PCLO: variants seen among roughly 807,000 people sequenced by gnomAD.
The protein encoded by PCLO is piccolo presynaptic cytomatrix protein.
Under a neutral mutation model 427.5 loss-of-function variants are expected in PCLO, and 82 were observed. The observed-to-expected ratio is 0.19, with a 90% CI of 0.16 to 0.23. The LOEUF (loss-of-function observed/expected upper bound fraction) is 0.23. Ranked by LOEUF, PCLO falls within the 10% of genes least tolerant of loss-of-function variation. The pLI, the probability that PCLO is intolerant of heterozygous loss-of-function variation, is 1.00. For synonymous variants in PCLO, 2,357 were observed against 2,155.4 expected (o/e 1.09, Z -2.59); for missense variants, 6,239 against 6,115.9 (o/e 1.02, Z -0.67).
chr7:83,076,968 T>A (rs760252318), intron 3 of PCLO, among the ~76,000 whole-genome samples: 1 of 141,050 alleles, frequency 7.1e-6, no homozygotes, highest in Non-Finnish European at 1.5e-5. Flanking sequence ...TAGAGCATAA[T>A]AGCCTGCTTT....
intron 3 of PCLO, among the ~76,000 whole-genome samples, chr7:83,091,967 T>C (rs1001881850): frequency 6.6e-6 from 1 of 152,186 alleles, no homozygotes. Context: ...GTATGGAAGT[T>C]TCACTTCCAA....
At chr7:83,161,104 G>T (rs756244969) in intron 1 of PCLO, among the ~76,000 whole-genome samples, 3 of 152,166 alleles carry the variant, frequency 2.0e-5, no homozygotes, top group Non-Finnish European at 4.4e-5. Context: ...AAGATAAACA[G>T]ACTTTTTACC....
intron 10 of PCLO, among the ~76,000 whole-genome samples, chr7:82,874,428 C>T (rs959727704): frequency 4.6e-5 from 7 of 152,114 alleles, no homozygotes; most frequent in African/African-American, 1.7e-4. Flanking sequence ...GGGCCTGAAT[C>T]TGGTCTGTAT....
chr7:82,880,775 A>G (rs1289366467), intron 9 of PCLO, among the ~76,000 whole-genome samples: 6 of 152,216 alleles, frequency 3.9e-5, no homozygotes, highest in Non-Finnish European at 1.5e-5. Flanking sequence ...ATGCATGTTA[A>G]TTATTTTAAA....
At position 82,952,486 on chromosome 7, in the gene PCLO, G is replaced by T. The variant is rs1212255668; in HGVS notation, c.8467C>A (p.Pro2823Thr). 3 of 1,613,876 alleles carry T rather than the reference G, an allele frequency of 1.9e-6. No homozygotes were observed. The highest frequency in any genetic ancestry group is 2.2e-5 in the South Asian group (2 of 91,088). The change falls in exon 5 of 25, where the codon CCA becomes ACA. Residue 2823 changes from proline to threonine, a missense_variant. By Grantham distance (38) the Pro-to-Thr change is conservative (BLOSUM62 -1). Transcript: ENST00000333891. ...TGCTTTGATGTTGTAAGTTGGAGTG[G>T]TGTTGTCATTGCATGTTCTGCACCC... is the stretch of plus-strand genomic sequence containing the variant. ...LVGAEHAMTT[P>T]LQLTTSKHAE...
In PCLO at chr7:82,798,082, C is replaced by T. The variant is rs1308532441; in HGVS notation, c.15007+3436G>A. ...TAAAAATTGTATGTGAACAAACCGT[C>T]TAAAAGTGATTACTTAAAATCTATG... On this transcript the variant is annotated intron_variant, in intron 22 of 24. Transcript: ENST00000333891. Among the ~76,000 whole-genome samples the T allele has an allele frequency of 2.6e-5, 4 of 151,994 alleles. 1 individual carries two copies. Among genetic ancestry groups the T allele is most frequent in the Admixed American group, 2.0e-4 (3 of 15,260 alleles).
At chr7:82,906,006 T>G (rs1342477534) in intron 8 of PCLO, among the ~76,000 whole-genome samples, 1 of 146,734 alleles carries the variant, frequency 6.8e-6, no homozygotes, top group South Asian at 2.2e-4. Context: ...AGGTTAAGCA[T>G]ATAGATAGAT....
At chr7:83,021,041 T>C in intron 3 of PCLO, among the ~76,000 whole-genome samples, 1 of 152,148 alleles carries the variant, frequency 6.6e-6, no homozygotes, top group East Asian at 1.9e-4. Flanking sequence ...ACTACTGATA[T>C]CAGCTGTTCT....
At chr7:83,096,390 A>C (rs1790538566) in intron 3 of PCLO, among the ~76,000 whole-genome samples, 1 of 152,112 alleles carries the variant, frequency 6.6e-6, no homozygotes, top group Non-Finnish European at 1.5e-5. Flanking sequence ...CAGACTCTGA[A>C]AATTACTAGT....
intron 10 of PCLO, among the ~76,000 whole-genome samples, chr7:82,852,635 GCTC>G (rs1792694039): frequency 6.6e-6 from 1 of 152,006 alleles, no homozygotes; most frequent in Non-Finnish European, 1.5e-5. Context: ...TGGTTTCCTT[GCTC>G]CTCAACTTGC....
chr7:82,902,939 T>G (rs1425432523), intron 8 of PCLO, among the ~76,000 whole-genome samples, 198 bp from the exon 9 acceptor site: 40 of 152,164 alleles, frequency 2.6e-4, no homozygotes, highest in Admixed American at 2.6e-3. Context: ...CTTATGGTGT[T>G]TGCATTTATA....
chr7:82,979,337 A>G (rs573542648), intron 3 of PCLO, among the ~76,000 whole-genome samples: 26 of 152,288 alleles, frequency 1.7e-4, no homozygotes, highest in African/African-American at 6.3e-4. Context: ...TGAAAACATG[A>G]TTTTTATTGA....
At chr7:83,053,212 A>T (rs1297083954) in intron 3 of PCLO, among the ~76,000 whole-genome samples, 2 of 151,798 alleles carry the variant, frequency 1.3e-5, no homozygotes, top group African/African-American at 4.8e-5. Flanking sequence ...CATCTAGACA[A>T]TTCTTACTTA....
At chr7:82,933,114 C>A (rs1794876978) in intron 6 of PCLO, among the ~76,000 whole-genome samples, 1 of 152,028 alleles carries the variant, frequency 6.6e-6, no homozygotes, top group Non-Finnish European at 1.5e-5. Context: ...AAATGACTCA[C>A]TTTAGAGCCA....
chr7:83,037,946 A>G lies in PCLO; in HGVS notation c.3301-71459T>C, dbSNP rs576187665. Among the ~76,000 whole-genome samples the G allele has an allele frequency of 3.0e-3, 354 of 118,738 alleles. 1 individual carries two copies. Among genetic ancestry groups the G allele is most frequent in the Middle Eastern group, 5.0e-3 (1 of 200 alleles). 77.9% of individuals were successfully genotyped at this position (118,738 alleles called of 152,430 possible). A position where few individuals can be genotyped will look rare whatever the true frequency, so the allele number is the denominator to read the frequency against. Reference sequence around the variant, plus strand: ...TGGTTAACTTGTGAATTAAATTTTGAGTAAGTTTCCCGTGTTAGTTGTGTG... The same window carrying G: ...TGGTTAACTTGTGAATTAAATTTTGGGTAAGTTTCCCGTGTTAGTTGTGTG... On this transcript the variant is annotated intron_variant, in intron 3 of 24. Coordinates refer to ENST00000333891, the MANE Select transcript of PCLO (RefSeq NM_033026.6).
At chr7:82,779,830 T>G (rs1013066979) in intron 22 of PCLO, among the ~76,000 whole-genome samples, 1 of 151,706 alleles carries the variant, frequency 6.6e-6, no homozygotes, top group South Asian at 2.1e-4. Flanking sequence ...TTTTCATCAT[T>G]TTTGTCTCAT....
At chr7:83,002,831 T>C (rs972034645) in intron 3 of PCLO, among the ~76,000 whole-genome samples, 2 of 151,884 alleles carry the variant, frequency 1.3e-5, no homozygotes, top group East Asian at 1.9e-4. Context: ...GCAAATAATA[T>C]GTATGTGCCA....
At chr7:83,003,443 G>A (rs181578120) in intron 3 of PCLO, among the ~76,000 whole-genome samples, 26 of 151,822 alleles carry the variant, frequency 1.7e-4, no homozygotes, top group East Asian at 1.2e-3. Context: ...ATTTGTGTGT[G>A]TTTATAGTAG....
At chr7:82,922,186 C>T (rs1350834840) in intron 6 of PCLO, among the ~76,000 whole-genome samples, 3 of 151,764 alleles carry the variant, frequency 2.0e-5, no homozygotes, top group Admixed American at 6.6e-5. Context: ...GGAGGTTTCT[C>T]AAAGAACTTA....
Sources: allele counts gnomAD v4.1 joint callset (sites outside exome capture counted in the v4.1 genomes callset), GRCh38; gene constraint gnomAD v4.1.1; transcripts MANE v1.5; gene names NCBI Gene and HGNC (gene_info 2026-07-23, HGNC 2026-07-21).